The following CCDC85A variants were observed in gnomAD, a reference collection of about 807,000 sequenced individuals.
CCDC85A encodes coiled-coil domain-containing protein 85A.
In CCDC85A, 38 loss-of-function variants were observed where a neutral mutation model predicts 50.2. The observed-to-expected ratio is 0.76, with a 90% CI of 0.58 to 0.99. The LOEUF is 0.99. CCDC85A is among the 50% of genes least tolerant of loss of function. The probability of loss-of-function intolerance (pLI) is 0.00; values close to 1 mark genes in which losing one functional copy is unlikely to be tolerated. For missense variants in CCDC85A, 820 were observed against 742.0 expected, an observed-to-expected ratio of 1.11 and a Z score of -1.22; for synonymous variants, 366 against 301.4, an observed-to-expected ratio of 1.21 and a Z score of -2.22.
chr2:56,184,876 C>T lies in CCDC85A; in HGVS notation c.252C>T (p.His84=). Residue 84 remains histidine (H), a synonymous_variant, in exon 1 of 6, where the codon CAC becomes CAT. Transcript: ENST00000407595. ...IREVNRRLQL[H]LGEIRGLKDI... ...AGGTGAACCGCCGCCTGCAGCTGCA[C>T]CTCGGCGAGATCCGCGGCCTCAAGG... The T allele has an allele frequency of 6.5e-7, 1 of 1,527,618 alleles. No individual in the cohort carries two copies. The highest frequency in any genetic ancestry group is 8.8e-7 in the Non-Finnish European group (1 of 1,140,454). The allele number at this position is 1,527,618 out of a possible 1,614,324, so 94.6% of individuals were successfully genotyped here. A position where few individuals can be genotyped will look rare whatever the true frequency, so the allele number is the denominator to read the frequency against.
At chr2:56,251,927 G>A (rs1669777188) in intron 2 of CCDC85A, among the ~76,000 whole-genome samples, 1 of 151,520 alleles carries the variant, frequency 6.6e-6, no homozygotes, top group Non-Finnish European at 1.5e-5. Flanking sequence ...TATACTTTAA[G>A]TTTTAGGGTA....
chr2:56,231,540 G>A lies in CCDC85A; in HGVS notation c.1240+38100G>A, dbSNP rs540272588. 8.5e-5 allele frequency among the ~76,000 whole-genome samples: 13 copies of A among 152,286 alleles called. 1 individual carries two copies. The highest frequency in any genetic ancestry group is 3.1e-4 in the African/African-American group (13 of 41,568). ...TTATAAAATATTGGAATTGTCTATA[G>A]ACTCATGACTCTTGGCTTCAATCTA... On this transcript the variant is annotated intron_variant, in intron 2 of 5. Coordinates refer to ENST00000407595, the MANE Select transcript of CCDC85A (RefSeq NM_001080433.2).
At chr2:56,217,736 A>T (rs1320455736) in intron 2 of CCDC85A, among the ~76,000 whole-genome samples, 1 of 151,850 alleles carries the variant, frequency 6.6e-6, no homozygotes, top group Non-Finnish European at 1.5e-5. Context: ...TTTTCCTTCT[A>T]AAAGCTTGAT....
At chr2:56,353,643 C>T (rs1675068128) in intron 3 of CCDC85A, among the ~76,000 whole-genome samples, 1 of 152,200 alleles carries the variant, frequency 6.6e-6, no homozygotes, top group South Asian at 2.1e-4. Flanking sequence ...ACAGGAAGTG[C>T]TGATGGAATG....
At chr2:56,349,088 T>C (rs1383129744) in intron 3 of CCDC85A, among the ~76,000 whole-genome samples, 1 of 152,186 alleles carries the variant, frequency 6.6e-6, no homozygotes, top group African/African-American at 2.4e-5. Flanking sequence ...GAGAAACTTG[T>C]GCAGAATTAT....
chr2:56,328,874 G>C (rs564859630), intron 2 of CCDC85A, among the ~76,000 whole-genome samples: 2 of 152,174 alleles, frequency 1.3e-5, no homozygotes, highest in African/African-American at 4.8e-5. Context: ...TCCCTCAGTG[G>C]TCACCCTCTC....
At chr2:56,330,487 C>G (rs1338878932) in intron 2 of CCDC85A, among the ~76,000 whole-genome samples, 1 of 152,176 alleles carries the variant, frequency 6.6e-6, no homozygotes, top group African/African-American at 2.4e-5. Context: ...CATCTGGGAA[C>G]AGAATGATGA....
chr2:56,337,918 G>T (rs1674158000), intron 2 of CCDC85A, among the ~76,000 whole-genome samples: 1 of 151,846 alleles, frequency 6.6e-6, no homozygotes, highest in Non-Finnish European at 1.5e-5. Context: ...CCGAGTAGCT[G>T]GGATTACAGG....
intron 3 of CCDC85A, among the ~76,000 whole-genome samples, chr2:56,347,878 C>T (rs1430219331): frequency 6.6e-6 from 1 of 152,162 alleles, no homozygotes; most frequent in East Asian, 1.9e-4. Flanking sequence ...TTAATCCAGA[C>T]ATAGTCGATA....
At chr2:56,267,118 A>T (rs1391018374) in intron 2 of CCDC85A, among the ~76,000 whole-genome samples, 3 of 151,916 alleles carry the variant, frequency 2.0e-5, no homozygotes, top group African/African-American at 7.3e-5. Context: ...TTGGTTTGTG[A>T]TATTTCCAAC....
chr2:56,309,965 C>A (rs1396431436), intron 2 of CCDC85A, among the ~76,000 whole-genome samples: 1 of 152,084 alleles, frequency 6.6e-6, no homozygotes, highest in African/African-American at 2.4e-5. Context: ...TCCTTCAGTT[C>A]TTTGCCCTTT....
chr2:56,328,305 TAGG>T (rs1673577849), intron 2 of CCDC85A, among the ~76,000 whole-genome samples: 1 of 151,902 alleles, frequency 6.6e-6, no homozygotes, highest in South Asian at 2.1e-4. Flanking sequence ...GAGGAAGACA[TAGG>T]AGATTTGTGT....
At chr2:56,208,390 C>T (rs1020115642) in intron 2 of CCDC85A, among the ~76,000 whole-genome samples, 4 of 152,158 alleles carry the variant, frequency 2.6e-5, no homozygotes, top group African/African-American at 7.2e-5. Context: ...TCCAGATATA[C>T]ACATCAACCG....
At position 56,184,529 on chromosome 2, in the gene CCDC85A, C is replaced by T; in HGVS notation, c.-96C>T. 1.5e-6 allele frequency: 2 copies of T among 1,293,650 alleles called. No homozygotes were observed. The highest frequency in any genetic ancestry group is 4.0e-5 in the South Asian group (2 of 49,592). The allele number at this position is 1,293,650 out of a possible 1,614,324, so 80.1% of individuals were successfully genotyped here. On this transcript the variant is annotated 5_prime_UTR_variant, in exon 1 of 6. Coordinates refer to ENST00000407595, the MANE Select transcript of CCDC85A (RefSeq NM_001080433.2). The stretch of plus-strand genomic sequence containing the variant: ...GCGGTGCCGCTGACTCGCCGGAGCG[C>T]ACAGGGGTGTGGGCGGAGGCGGCCT...
At chr2:56,193,542 G>GGGAC in intron 2 of CCDC85A, 102 bp downstream of exon 2, 1 of 1,323,412 alleles carries the variant, frequency 7.6e-7, no homozygotes, top group East Asian at 2.5e-5. Context: ...GCAGGCGCTA[G>GGGAC]CTAGGGAGTG....
At chr2:56,271,724 G>C (rs968837718) in intron 2 of CCDC85A, among the ~76,000 whole-genome samples, 2 of 152,164 alleles carry the variant, frequency 1.3e-5, no homozygotes, top group African/African-American at 4.8e-5. Flanking sequence ...ACAGACAAGG[G>C]CAATCATTTC....
intron 5 of CCDC85A, among the ~76,000 whole-genome samples, chr2:56,377,493 A>G (rs923418481): frequency 7.2e-5 from 11 of 152,164 alleles, no homozygotes; most frequent in Non-Finnish European, 5.9e-5. Context: ...GGCAATTGCT[A>G]TTTGAATCAG....
chr2:56,207,643 C>A (rs1677010989), intron 2 of CCDC85A, among the ~76,000 whole-genome samples: 1 of 152,164 alleles, frequency 6.6e-6, no homozygotes, highest in African/African-American at 2.4e-5. Context: ...TTTTCAGAGA[C>A]AGATACGTAA....
At chr2:56,321,254 C>T (rs574209183) in intron 2 of CCDC85A, among the ~76,000 whole-genome samples, 67 of 152,266 alleles carry the variant, frequency 4.4e-4, no homozygotes, top group African/African-American at 1.4e-3. Flanking sequence ...CCTCTCTCAC[C>T]ACTCCTATTC....
Sources: allele counts gnomAD v4.1 joint callset (sites outside exome capture counted in the v4.1 genomes callset), GRCh38; gene constraint gnomAD v4.1.1; transcripts MANE v1.5; gene names NCBI Gene and HGNC (gene_info 2026-07-23, HGNC 2026-07-21).